The following KCNK5 variants were observed in gnomAD, a reference collection of about 807,000 sequenced individuals.
KCNK5 encodes potassium channel subfamily K member 5.
KCNK5 carries 18 observed loss-of-function variants against 32.9 expected under a neutral mutation model. The ratio of observed to expected loss-of-function variants is 0.55; its 90% CI spans 0.38 to 0.81. KCNK5 has a LOEUF of 0.81. Among genes scored for constraint, KCNK5 ranks in the 30% least tolerant of loss-of-function variants. The probability of loss-of-function intolerance (pLI) is 0.00; values close to 1 mark genes in which losing one functional copy is unlikely to be tolerated. For synonymous variants in KCNK5, 276 were observed against 275.3 expected (o/e 1.00, Z -0.03); for missense variants, 507 against 651.0 (o/e 0.78, Z 2.41).
intron 1 of KCNK5, among the ~76,000 whole-genome samples, chr6:39,221,816 C>T (rs1275364855): frequency 6.6e-6 from 1 of 152,178 alleles, no homozygotes; most frequent in African/African-American, 2.4e-5. Flanking sequence ...CCCCCCAGCC[C>T]CTTCAACATT....
rs200558183 is a variant in KCNK5 at position 39,195,946 on chromosome 6, C to T, written c.228G>A (p.Gly76=). 2.2e-4 allele frequency: 362 copies of T among 1,613,738 alleles called. 1 individual carries two copies. Among genetic ancestry groups the T allele is most frequent in the Non-Finnish European group, 5.3e-5 (62 of 1,179,894 alleles). The change falls in exon 2 of 5, where the codon GGG becomes GGA. Residue 76 remains glycine, a synonymous_variant. Transcript: ENST00000359534. ...DAAGQGVAIT[G]NQTFNNWNWP... is the part of the protein sequence containing the mutation. The stretch of plus-strand genomic sequence containing the variant: ...AGTTCCAGTTGTTGAAGGTCTGGTT[C>T]CCTGTGATGGCCACACCCTGTCCTG...
In KCNK5 at chr6:39,198,723, C is replaced by T. The variant is rs114934831; in HGVS notation, c.187-2736G>A. On this transcript the variant is annotated intron_variant, in intron 1 of 4. Transcript: ENST00000359534. ...GAGGTAACAAGCCCACTGTTGCTTG[C>T]AGGGTCAGGCCATATATGGGGCACC... 6.7e-3 allele frequency among the ~76,000 whole-genome samples: 1,021 copies of T among 152,274 alleles called. 12 individuals carry two copies. The highest frequency in any genetic ancestry group is 0.023 in the African/African-American group (967 of 41,540).
chr6:39,224,099 T>C (rs1255241083), intron 1 of KCNK5, among the ~76,000 whole-genome samples: 1 of 151,716 alleles, frequency 6.6e-6, no homozygotes, highest in Non-Finnish European at 1.5e-5. Context: ...TTTTTTTTTT[T>C]TGGCTACCCT....
intron 1 of KCNK5, among the ~76,000 whole-genome samples, chr6:39,225,768 G>A (rs1771661239): frequency 6.6e-6 from 1 of 152,198 alleles, no homozygotes; most frequent in Non-Finnish European, 1.5e-5. Flanking sequence ...AGGCCCAAGA[G>A]GGAGGTGCAA....
At chr6:39,196,008 G>T (rs775890681) in intron 1 of KCNK5, 21 bp from the exon 2 acceptor site, 1 of 1,574,200 alleles carries the variant, frequency 6.4e-7, no homozygotes, top group Non-Finnish European at 8.7e-7. Flanking sequence ...AAACAGTAAA[G>T]GTCAGAGCTG....
intron 1 of KCNK5, among the ~76,000 whole-genome samples, chr6:39,197,580 A>G (rs1213161629): frequency 6.6e-6 from 1 of 152,238 alleles, no homozygotes; most frequent in Non-Finnish European, 1.5e-5. Context: ...GGACATTTAG[A>G]TACTAACAGG....
intron 1 of KCNK5, among the ~76,000 whole-genome samples, chr6:39,210,431 C>T (rs1771314524): frequency 6.6e-6 from 1 of 152,226 alleles, no homozygotes; most frequent in Non-Finnish European, 1.5e-5. Flanking sequence ...GGCCATGCCC[C>T]TCTTTGGAGG....
At chr6:39,219,826 C>G (rs565326992) in intron 1 of KCNK5, among the ~76,000 whole-genome samples, 1 of 152,230 alleles carries the variant, frequency 6.6e-6, no homozygotes, top group Non-Finnish European at 1.5e-5. Flanking sequence ...CCTGGCAACA[C>G]AGGCCCAGGG....
intron 2 of KCNK5, 66 bp downstream of exon 2, chr6:39,195,810 T>A (rs1298382351): frequency 8.5e-7 from 1 of 1,174,624 alleles, no homozygotes; most frequent in Non-Finnish European, 1.2e-6. Context: ...CAGAGCTGGG[T>A]TTCTAGAAAG....
rs527550171 is a variant in KCNK5 at position 39,190,689 on chromosome 6, A to G, written c.*201T>C. ...GGACAGATGCCCCCACAGCCAGGGT[A>G]TGGTTCAGCTGGAGAACAGAGGCCC... On this transcript the variant is annotated 3_prime_UTR_variant, in exon 5 of 5. Coordinates refer to ENST00000359534, the MANE Select transcript of KCNK5 (RefSeq NM_003740.4). 3 of 483,604 alleles carry G rather than the reference A, an allele frequency of 6.2e-6. No homozygotes were observed. The South Asian group carries it at 1.5e-4, about 24-fold the overall frequency. 30.0% of individuals were successfully genotyped at this position (483,604 alleles called of 1,614,324 possible).
At chr6:39,225,903 T>C (rs950622941) in intron 1 of KCNK5, among the ~76,000 whole-genome samples, 1 of 152,186 alleles carries the variant, frequency 6.6e-6, no homozygotes, top group East Asian at 1.9e-4. Flanking sequence ...GAATACATAC[T>C]GTAAAGAGTA....
chr6:39,190,162 A>T lies in KCNK5; in HGVS notation c.*728T>A, dbSNP rs1770894906. 1 of 152,356 alleles carries T rather than the reference A, an allele frequency of 6.6e-6. No homozygotes were observed. The highest frequency in any genetic ancestry group is 1.5e-5 in the Non-Finnish European group (1 of 68,246). The allele number at this position is 152,356 out of a possible 1,614,324, so 9.4% of individuals were successfully genotyped here. A position where few individuals can be genotyped will look rare whatever the true frequency, so the allele number is the denominator to read the frequency against. On this transcript the variant is annotated 3_prime_UTR_variant, in exon 5 of 5. Coordinates refer to ENST00000359534, the MANE Select transcript of KCNK5 (RefSeq NM_003740.4). The stretch of plus-strand genomic sequence containing the variant: ...GCCCACAGAAAGCCTTGCGTCTGCC[A>T]CTGCTTGACCTGAGACAGGGAACAC...
At chr6:39,203,945 C>T (rs997976888) in intron 1 of KCNK5, among the ~76,000 whole-genome samples, 5 of 152,210 alleles carry the variant, frequency 3.3e-5, no homozygotes, top group African/African-American at 1.2e-4. Flanking sequence ...GGTCAGGTGA[C>T]CAGGGTGTGG....
Position 39,229,160 on chromosome 6 carries a change from G to A in KCNK5, c.-49C>T. Reference sequence around the variant, plus strand: ...GAGAAAGCCTCTCCTAGCCCCAGCTGCTACCAGTCCGCCCGCCCTCCAGCC... The same window carrying A: ...GAGAAAGCCTCTCCTAGCCCCAGCTACTACCAGTCCGCCCGCCCTCCAGCC... On this transcript the variant is annotated 5_prime_UTR_variant, in exon 1 of 5. Coordinates refer to ENST00000359534, the MANE Select transcript of KCNK5 (RefSeq NM_003740.4). 1 of 1,586,030 alleles carries A rather than the reference G, an allele frequency of 6.3e-7. No individual in the cohort carries two copies. The highest frequency in any genetic ancestry group is 2.2e-5 in the East Asian group (1 of 44,624).
chr6:39,202,016 G>A lies in KCNK5; in HGVS notation c.187-6029C>T, dbSNP rs147239330. 5.1e-3 allele frequency among the ~76,000 whole-genome samples: 771 copies of A among 152,180 alleles called. 4 individuals are homozygous for A. The highest frequency in any genetic ancestry group is 0.015 in the African/African-American group (618 of 41,522). The stretch of plus-strand genomic sequence containing the variant: ...GTGAGCTTCTAGGTGCAAGTGAAAC[G>A]GCCTACCAGGCAATATCCACAGACA... On this transcript the variant is annotated intron_variant, in intron 1 of 4. Coordinates refer to ENST00000359534, the MANE Select transcript of KCNK5 (RefSeq NM_003740.4).
intron 1 of KCNK5, among the ~76,000 whole-genome samples, chr6:39,215,333 G>C (rs1052005827): frequency 2.6e-5 from 4 of 152,164 alleles, no homozygotes; most frequent in Non-Finnish European, 5.9e-5. Flanking sequence ...TGCTCTGAAG[G>C]GGGCAGGGAT....
In KCNK5 at chr6:39,228,984, A is replaced by C. The variant is rs1270152523; in HGVS notation, c.128T>G (p.Leu43Arg). ...GCACGGGAACTCCTTGAGCAGATGC[A>C]GCTTCTGTGTGTAGTAGTTTTTCTT... Reference protein sequence around the residue: ...EAKKNYYTQKLHLLKEFPCLG... With the variant: ...EAKKNYYTQKRHLLKEFPCLG... Residue 43 changes from leucine to arginine, a missense_variant, in exon 1 of 5, where the codon CTG becomes CGG. This residue lies in a region of KCNK5 where 143 missense variants were observed against 219.1 expected (regional missense o/e 0.65). Transcript: ENST00000359534. The C allele has an allele frequency of 1.9e-6, 3 of 1,614,070 alleles. No homozygotes were observed. Among genetic ancestry groups the C allele is most frequent in the Non-Finnish European group, 2.5e-6 (3 of 1,180,030 alleles).
chr6:39,192,904 A>G (rs1770966388), intron 4 of KCNK5, among the ~76,000 whole-genome samples: 1 of 152,100 alleles, frequency 6.6e-6, no homozygotes, highest in African/African-American at 2.4e-5. Context: ...ATCAGACTAG[A>G]GGTTCCTCCA....
chr6:39,213,406 A>G (rs994715494), intron 1 of KCNK5, among the ~76,000 whole-genome samples: 2 of 152,182 alleles, frequency 1.3e-5, no homozygotes, highest in African/African-American at 4.8e-5. Flanking sequence ...AACGGAGAGA[A>G]CCACACACTT....
Sources: allele counts gnomAD v4.1 joint callset (sites outside exome capture counted in the v4.1 genomes callset), GRCh38; gene constraint gnomAD v4.1.1; regional missense constraint gnomAD v4.1.1; transcripts MANE v1.5; gene names NCBI Gene and HGNC (gene_info 2026-07-23, HGNC 2026-07-21).